MANF: variants seen among roughly 807,000 people sequenced by gnomAD.
MANF encodes mesencephalic astrocyte-derived neurotrophic factor.
A neutral mutation model predicts 19.1 loss-of-function variants in MANF; 9 were observed. That is an observed-to-expected ratio of 0.47 (90% CI 0.28 to 0.82). The LOEUF is 0.82. MANF is among the 40% of genes least tolerant of loss of function. The pLI, the probability that MANF is intolerant of heterozygous loss-of-function variation, is 0.10. For missense variants in MANF, 225 were observed against 226.7 expected, an observed-to-expected ratio of 0.99 and a Z score of 0.05; for synonymous variants, 89 against 88.0, an observed-to-expected ratio of 1.01 and a Z score of -0.06.
intron 2 of MANF, among the ~76,000 whole-genome samples, chr3:51,386,694 G>C (rs937811646): frequency 1.3e-5 from 2 of 152,218 alleles, no homozygotes; most frequent in Non-Finnish European, 2.9e-5. Flanking sequence ...CTGAGGAAGG[G>C]TTATCATTGA....
chr3:51,385,347 G>T lies in MANF; in HGVS notation c.5G>T (p.Arg2Met). ...AGGAGGAGGAGGATGAGGAGGATGA[G>T]GAGGATGTGGGCCACGCAGGGGCTG... is the stretch of plus-strand genomic sequence containing the variant. M[R>M]RMWATQGLAV... The change falls in exon 1 of 4, where the codon AGG becomes ATG. Residue 2 changes from arginine to methionine, a missense_variant. Transcript: ENST00000528157. 8.1e-7 allele frequency: 1 copy of T among 1,238,660 alleles called. No individual in the cohort carries two copies. The highest frequency in any genetic ancestry group is 1.0e-6 in the Non-Finnish European group (1 of 988,816). 76.7% of individuals were successfully genotyped at this position (1,238,660 alleles called of 1,614,324 possible).
intron 2 of MANF, 111 bp from the exon 3 acceptor site, chr3:51,387,626 C>T (rs2088974861): frequency 1.9e-6 from 2 of 1,056,318 alleles, no homozygotes; most frequent in Non-Finnish European, 2.7e-6. Context: ...GGAGCCCTAT[C>T]TCAAAACACA....
intron 3 of MANF, 81 bp from the exon 4 acceptor site, chr3:51,388,824 C>G: frequency 9.0e-7 from 1 of 1,108,448 alleles, no homozygotes. Context: ...TTTGGCCGTT[C>G]AGGGAGTGAC....
In MANF at chr3:51,386,307, G is replaced by T. The variant is rs782555948; in HGVS notation, c.194G>T (p.Arg65Leu). Residue 65 changes from arginine (R) to leucine (L), a missense_variant, in exon 2 of 4, where the codon CGG (arginine) becomes CTG (leucine). Transcript: ENST00000528157. ...GAAAACGAACTTATAAAGTTCTGCC[G>T]GGAAGCAAGAGGCAAAGAGAATCGG... ...TIENELIKFC[R>L]EARGKENRLC... is the part of the protein sequence containing the mutation. The T allele has an allele frequency of 3.6e-5, 58 of 1,613,928 alleles. No individual in the cohort carries two copies. Among genetic ancestry groups the T allele is most frequent in the Non-Finnish European group, 4.9e-5 (58 of 1,179,860 alleles).
chr3:51,388,212 C>G (rs1449138519), intron 3 of MANF, among the ~76,000 whole-genome samples: 2 of 152,148 alleles, frequency 1.3e-5, no homozygotes, highest in African/African-American at 2.4e-5. Context: ...AAGTTAGGAG[C>G]ATTAGGAGTT....
Position 51,386,204 on chromosome 3 carries a change from C to G in MANF, c.95-4C>G. 6.2e-7 allele frequency: 1 copy of G among 1,613,160 alleles called. No homozygotes were observed. The highest frequency in any genetic ancestry group is 1.6e-4 in the Middle Eastern group (1 of 6,062). ...TGAGCATCTCCCGTCCCTCTCTTTTCCAGTTTGTATTTCTTATCTGGGAAG... is the reference window on the plus strand; with the variant it reads ...TGAGCATCTCCCGTCCCTCTCTTTTGCAGTTTGTATTTCTTATCTGGGAAG... On this transcript the variant is annotated splice_polypyrimidine_tract_variant and splice_region_variant and intron_variant, in intron 1 of 3. Coordinates refer to ENST00000528157, the MANE Select transcript of MANF (RefSeq NM_006010.6).
intron 3 of MANF, among the ~76,000 whole-genome samples, chr3:51,388,241 A>T (rs1224878385): frequency 6.6e-6 from 1 of 152,216 alleles, no homozygotes; most frequent in Non-Finnish European, 1.5e-5. Context: ...GAGAAGGGAC[A>T]TAGTACGACT....
At position 51,388,981 on chromosome 3, in the gene MANF, G is replaced by A; in HGVS notation, c.441G>A (p.Trp147Ter). Reference protein sequence around the residue: ...VKELKKILDDWGETCKGCAEK... With the variant: ...VKELKKILDD ...AGCTGAAGAAGATTCTGGATGACTG[G>A]GGGGAGACATGCAAAGGCTGTGCAG... The change falls in exon 4 of 4, where the codon TGG (tryptophan) becomes TGA (stop). Residue 147 changes from tryptophan (W) to a stop codon, truncating the protein, a stop_gained. Coordinates refer to ENST00000528157, the MANE Select transcript of MANF (RefSeq NM_006010.6). LOFTEE classifies it high-confidence loss of function. The A allele has an allele frequency of 6.2e-7, 1 of 1,606,264 alleles. No individual in the cohort carries two copies. Among genetic ancestry groups the A allele is most frequent in the Non-Finnish European group, 8.5e-7 (1 of 1,176,074 alleles).
In MANF at chr3:51,389,112, T is replaced by G; in HGVS notation, c.*23T>G. Reference sequence around the variant, plus strand: ...TAGTCTGCTCAATCTCTGTTGCACCTGAGGGGGAAAAAACAGTTCAACTGC... The same window carrying G: ...TAGTCTGCTCAATCTCTGTTGCACCGGAGGGGGAAAAAACAGTTCAACTGC... On this transcript the variant is annotated 3_prime_UTR_variant, in exon 4 of 4. Coordinates refer to ENST00000528157, the MANE Select transcript of MANF (RefSeq NM_006010.6). 6.3e-7 allele frequency: 1 copy of G among 1,593,082 alleles called. No individual in the cohort carries two copies. The highest frequency in any genetic ancestry group is 8.5e-7 in the Non-Finnish European group (1 of 1,172,434).
intron 2 of MANF, chr3:51,387,167 T>A: frequency 3.1e-6 from 1 of 319,614 alleles, no homozygotes; most frequent in African/African-American, 2.2e-5. Context: ...CACAAAAAAA[T>A]TTTTAGGCTA....
At position 51,385,375 on chromosome 3, in the gene MANF, G is replaced by A; in HGVS notation, c.33G>A (p.Ala11=). Residue 11 remains alanine (A), a synonymous_variant, in exon 1 of 4, where the codon GCG becomes GCA. Coordinates refer to ENST00000528157, the MANE Select transcript of MANF (RefSeq NM_006010.6). The stretch of plus-strand genomic sequence containing the variant: ...GGATGTGGGCCACGCAGGGGCTGGC[G>A]GTGGCGCTGGCTCTGAGCGTGCTGC... MRRMWATQGL[A]VALALSVLPG... 2 of 1,240,138 alleles carry A rather than the reference G, an allele frequency of 1.6e-6. No individual in the cohort carries two copies. Among genetic ancestry groups the A allele is most frequent in the Non-Finnish European group, 2.0e-6 (2 of 990,106 alleles). The allele number at this position is 1,240,138 out of a possible 1,614,324, so 76.8% of individuals were successfully genotyped here.
In MANF at chr3:51,387,751, G is replaced by C; in HGVS notation, c.237G>C (p.Gly79=). 3 of 1,611,852 alleles carry C rather than the reference G, an allele frequency of 1.9e-6. No individual in the cohort carries two copies. Among genetic ancestry groups the C allele is most frequent in the Non-Finnish European group, 2.5e-6 (3 of 1,178,808 alleles). ...TATTGCTCCAGTGCTACTATATCGG[G>C]GCCACAGATGATGCAGCCACCAAAA... ...GKENRLCYYI[G]ATDDAATKII... is the part of the protein sequence containing the mutation. Residue 79 remains glycine, a synonymous_variant, in exon 3 of 4, where the codon GGG becomes GGC. Coordinates refer to ENST00000528157, the MANE Select transcript of MANF (RefSeq NM_006010.6).
At chr3:51,387,979 T>C in intron 3 of MANF, 101 bp downstream of exon 3, 2 of 1,213,306 alleles carry the variant, frequency 1.6e-6, no homozygotes, top group South Asian at 1.4e-5. Context: ...GAGTGGGTTG[T>C]ATTGTATGAC....
intron 2 of MANF, among the ~76,000 whole-genome samples, chr3:51,386,551 A>G (rs2088964110): frequency 6.6e-6 from 1 of 152,240 alleles, no homozygotes; most frequent in Admixed American, 6.5e-5. Context: ...GTCTTTATTA[A>G]GCACCTACTA....
At chr3:51,387,975 G>A in intron 3 of MANF, 97 bp downstream of exon 3, 1 of 1,267,378 alleles carries the variant, frequency 7.9e-7, no homozygotes, top group Non-Finnish European at 1.1e-6. Context: ...TCATGAGTGG[G>A]TTGTATTGTA....
chr3:51,386,194 C>T lies in MANF; in HGVS notation c.95-14C>T, dbSNP rs782125772. On this transcript the variant is annotated splice_polypyrimidine_tract_variant and intron_variant, in intron 1 of 3. Transcript: ENST00000528157. ...TGGTGATTGCTGAGCATCTCCCGTC[C>T]CTCTCTTTTCCAGTTTGTATTTCTT... 28 of 1,612,548 alleles carry T rather than the reference C, an allele frequency of 1.7e-5. No homozygotes were observed. The Admixed American group carries it at 2.3e-4, about 13-fold the overall frequency.
chr3:51,386,445 C>G, intron 2 of MANF, 110 bp downstream of exon 2: 1 of 1,211,462 alleles, frequency 8.3e-7, no homozygotes, highest in Non-Finnish European at 1.2e-6. Context: ...AAGCCAGCTA[C>G]TCTCTCCATA....
chr3:51,389,201 G>T lies in MANF; in HGVS notation c.*112G>T. On this transcript the variant is annotated 3_prime_UTR_variant, in exon 4 of 4. Transcript: ENST00000528157. ...GTGGGCTCCTGACAATACTGTATCA[G>T]ATGTGAAGCCTGGAGCTTTCCTGAT... The T allele has an allele frequency of 1.1e-6, 1 of 916,776 alleles. No individual in the cohort carries two copies. The highest frequency in any genetic ancestry group is 1.6e-6 in the Non-Finnish European group (1 of 608,774). 56.8% of individuals were successfully genotyped at this position (916,776 alleles called of 1,614,324 possible). A position where few individuals can be genotyped will look rare whatever the true frequency, so the allele number is the denominator to read the frequency against.
intron 1 of MANF, 80 bp downstream of exon 1, chr3:51,385,516 C>G (rs1192948121): frequency 1.3e-4 from 17 of 130,276 alleles, no homozygotes; most frequent in Non-Finnish European, 2.2e-4. Context: ...ACCAGACGGC[C>G]GGGGCCAAGA....
Sources: gnomAD v4.1 joint callset for allele counts (sites outside exome capture counted in the v4.1 genomes callset) on GRCh38, gnomAD v4.1.1 for gene constraint, MANE v1.5 for transcripts, NCBI Gene and HGNC (gene_info 2026-07-23, HGNC 2026-07-21) for gene names.